NHLRC2: variants seen among roughly 807,000 people sequenced by gnomAD.
The protein encoded by NHLRC2 is NHL repeat-containing protein 2.
NHLRC2 carries 33 observed loss-of-function variants against 68.1 expected under a neutral mutation model. The ratio of observed to expected loss-of-function variants is 0.48; its 90% CI spans 0.37 to 0.65. The LOEUF (loss-of-function observed/expected upper bound fraction) is 0.65. Among genes scored for constraint, NHLRC2 ranks in the 30% least tolerant of loss-of-function variants. The pLI is 0.00. For synonymous variants in NHLRC2, 311 were observed against 309.6 expected (o/e 1.00, Z -0.05); for missense variants, 761 against 853.8 (o/e 0.89, Z 1.35).
intron 1 of NHLRC2, among the ~76,000 whole-genome samples, chr10:113,857,589 T>C (rs897313550): frequency 1.3e-5 from 2 of 152,200 alleles, no homozygotes; most frequent in African/African-American, 4.8e-5. Flanking sequence ...CTTCAAGGCA[T>C]AATTAATAGT....
At chr10:113,855,848 G>A (rs1015117915) in intron 1 of NHLRC2, among the ~76,000 whole-genome samples, 2 of 152,130 alleles carry the variant, frequency 1.3e-5, no homozygotes, top group African/African-American at 4.8e-5. Flanking sequence ...CACTTGAGGA[G>A]ATATTACCTT....
intron 6 of NHLRC2, 91 bp downstream of exon 6, chr10:113,898,300 C>G: frequency 1.2e-5 from 9 of 781,762 alleles, no homozygotes; most frequent in Non-Finnish European, 2.0e-5. Flanking sequence ...CTGTACCAGT[C>G]AGGATGTGCT....
chr10:113,872,694 A>G (rs1845938795), intron 2 of NHLRC2, among the ~76,000 whole-genome samples: 1 of 151,742 alleles, frequency 6.6e-6, no homozygotes, highest in Non-Finnish European at 1.5e-5. Flanking sequence ...GGGACAATAA[A>G]TTTGTATAAA....
chr10:113,912,496 G>A lies in NHLRC2; in HGVS notation c.*3960G>A, dbSNP rs574639969. On this transcript the variant is annotated 3_prime_UTR_variant, in exon 11 of 11. Coordinates refer to ENST00000369301, the MANE Select transcript of NHLRC2 (RefSeq NM_198514.4). Reference sequence around the variant, plus strand: ...TAGTGTTATTAAAAATTTTTTGTACGACTTTCTGGAGCTACAAGTAATGAA... The same window carrying A: ...TAGTGTTATTAAAAATTTTTTGTACAACTTTCTGGAGCTACAAGTAATGAA... 5 of 152,080 alleles carry A rather than the reference G, an allele frequency of 3.3e-5. No homozygotes were observed. The highest frequency in any genetic ancestry group is 5.9e-5 in the Non-Finnish European group (4 of 68,018). The allele number at this position is 152,080 out of a possible 1,614,324, so 9.4% of individuals were successfully genotyped here.
intron 5 of NHLRC2, among the ~76,000 whole-genome samples, chr10:113,888,063 C>G (rs1846097851): frequency 6.6e-6 from 1 of 151,848 alleles, no homozygotes; most frequent in Non-Finnish European, 1.5e-5. Flanking sequence ...GACACTATTT[C>G]TACAAAAGAA....
At chr10:113,867,596 TCCTTCAGTTCCTAA>T (rs1564851168) in intron 2 of NHLRC2, among the ~76,000 whole-genome samples, 2 of 152,252 alleles carry the variant, frequency 1.3e-5, no homozygotes. Context: ...TCCCTGGCTT[TCCTTCAGTTCCTAA>T]GTATCATTGT....
At chr10:113,864,116 A>C (rs1022402177) in intron 2 of NHLRC2, among the ~76,000 whole-genome samples, 4 of 152,216 alleles carry the variant, frequency 2.6e-5, no homozygotes, top group Admixed American at 1.3e-4. Context: ...AAAAATTCAC[A>C]ATTTATGCCA....
rs1306139316 is a variant in NHLRC2, at chr10:113,916,687, T to G, written c.*8151T>G. On this transcript the variant is annotated 3_prime_UTR_variant, in exon 11 of 11. Coordinates refer to ENST00000369301, the MANE Select transcript of NHLRC2 (RefSeq NM_198514.4). ...TATAACATTTCATAAATATGTCAATTTTAGAAACTCAAACTCTTTCCCATC... is the reference window on the plus strand; with the variant it reads ...TATAACATTTCATAAATATGTCAATGTTAGAAACTCAAACTCTTTCCCATC... 1 of 152,210 alleles carries G rather than the reference T, an allele frequency of 6.6e-6. No homozygotes were observed. The highest frequency in any genetic ancestry group is 1.5e-5 in the Non-Finnish European group (1 of 68,030). The allele number at this position is 152,210 out of a possible 1,614,324, so 9.4% of individuals were successfully genotyped here. A position where few individuals can be genotyped will look rare whatever the true frequency, so the allele number is the denominator to read the frequency against.
rs1452183289 is a variant in NHLRC2 at position 113,914,996 on chromosome 10, G to A, written c.*6460G>A. ...GCCCCAATCACAGAGCCTGGGTAAGGTGGAACAGGAGGCAGCCCCACTCGG... is the reference window on the plus strand; with the variant it reads ...GCCCCAATCACAGAGCCTGGGTAAGATGGAACAGGAGGCAGCCCCACTCGG... On this transcript the variant is annotated 3_prime_UTR_variant, in exon 11 of 11. Transcript: ENST00000369301. 1 of 456,170 alleles carries A rather than the reference G, an allele frequency of 2.2e-6. No homozygotes were observed. Among genetic ancestry groups the A allele is most frequent in the Non-Finnish European group, 4.4e-6 (1 of 226,984 alleles). The allele number at this position is 456,170 out of a possible 1,614,324, so 28.3% of individuals were successfully genotyped here. A position where few individuals can be genotyped will look rare whatever the true frequency, so the allele number is the denominator to read the frequency against.
rs1589552319 is a variant in NHLRC2 at position 113,913,857 on chromosome 10, T to G, written c.*5321T>G. 1 of 148,836 alleles carries G rather than the reference T, an allele frequency of 6.7e-6. No individual in the cohort carries two copies. The allele number at this position is 148,836 out of a possible 1,614,324, so 9.2% of individuals were successfully genotyped here. A position where few individuals can be genotyped will look rare whatever the true frequency, so the allele number is the denominator to read the frequency against. ...TGTTGTTGTTGTTTTGTTTTTTTTT[T>G]TTTTTTTTGAGATGGAGTCTCACTC... is the stretch of plus-strand genomic sequence containing the variant. On this transcript the variant is annotated 3_prime_UTR_variant, in exon 11 of 11. Transcript: ENST00000369301.
At chr10:113,894,601 T>G (rs985490701) in intron 5 of NHLRC2, among the ~76,000 whole-genome samples, 1 of 152,150 alleles carries the variant, frequency 6.6e-6, no homozygotes, top group Non-Finnish European at 1.5e-5. Context: ...AGGACCTCCA[T>G]AAGGTGTTAA....
Position 113,876,965 on chromosome 10 carries a change from A to G in NHLRC2, c.776A>G (p.Tyr259Cys). 1 of 1,584,066 alleles carries G rather than the reference A, an allele frequency of 6.3e-7. No individual in the cohort carries two copies. The highest frequency in any genetic ancestry group is 8.6e-7 in the Non-Finnish European group (1 of 1,166,940). Residue 259 changes from tyrosine to cysteine, a missense_variant, in exon 3 of 11, where the codon TAT becomes TGT. Coordinates refer to ENST00000369301, the MANE Select transcript of NHLRC2 (RefSeq NM_198514.4). Reference protein sequence around the residue: ...LVVWKNGQIQYSIGGPNPGRK... With the variant: ...LVVWKNGQIQCSIGGPNPGRK... Reference sequence around the variant, plus strand: ...GTTTGGAAGAATGGACAAATTCAATATAGCATTGGAGGTAAAACTTGCTTC... The same window carrying G: ...GTTTGGAAGAATGGACAAATTCAATGTAGCATTGGAGGTAAAACTTGCTTC...
chr10:113,884,501 T>A, intron 5 of NHLRC2, 121 bp downstream of exon 5: 1 of 681,200 alleles, frequency 1.5e-6, no homozygotes. Flanking sequence ...CTTTTATACC[T>A]ATGCCTCAGA....
chr10:113,876,456 G>A (rs1274184124), intron 2 of NHLRC2, 65 bp from the exon 3 acceptor site: 1 of 904,498 alleles, frequency 1.1e-6, no homozygotes, highest in Non-Finnish European at 1.7e-6. Context: ...AAAACCTAAT[G>A]TGTAGATGAT....
At position 113,898,176 on chromosome 10, in the gene NHLRC2, T is replaced by G; in HGVS notation, c.1106T>G (p.Leu369Arg). ...GCAGGGACTCATCAGATATGGGCAC[T>G]CCTGCTGGACTCTGGCAAACTGCCA... Reference protein sequence around the residue: ...AMAGTHQIWALLLDSGKLPKK... With the variant: ...AMAGTHQIWARLLDSGKLPKK... Residue 369 changes from leucine (L) to arginine (R), a missense_variant, in exon 6 of 11, where the codon CTC becomes CGC. Transcript: ENST00000369301. The G allele has an allele frequency of 6.2e-7, 1 of 1,612,954 alleles. No homozygotes were observed. The highest frequency in any genetic ancestry group is 8.5e-7 in the Non-Finnish European group (1 of 1,179,020).
chr10:113,897,552 T>C (rs1846187596), intron 5 of NHLRC2, among the ~76,000 whole-genome samples: 1 of 152,242 alleles, frequency 6.6e-6, no homozygotes. Context: ...GAGCCTTTTA[T>C]TTGGATGCCA....
At chr10:113,890,383 C>T (rs1227366342) in intron 5 of NHLRC2, among the ~76,000 whole-genome samples, 1 of 152,104 alleles carries the variant, frequency 6.6e-6, no homozygotes, top group Non-Finnish European at 1.5e-5. Flanking sequence ...TTAATATTAT[C>T]TCTTGTTCTT....
At chr10:113,877,244 T>C (rs1386903185) in intron 3 of NHLRC2, among the ~76,000 whole-genome samples, 2 of 151,648 alleles carry the variant, frequency 1.3e-5, no homozygotes, top group Non-Finnish European at 1.5e-5. Flanking sequence ...TTGTATATTC[T>C]ATCTTTTTTT....
chr10:113,888,684 ATAAT>A (rs1846103972), intron 5 of NHLRC2, among the ~76,000 whole-genome samples: 1 of 152,208 alleles, frequency 6.6e-6, no homozygotes, highest in Non-Finnish European at 1.5e-5. Context: ...TGCACCAAAA[ATAAT>A]TACTACAGTA....
Sources: allele counts gnomAD v4.1 joint callset (sites outside exome capture counted in the v4.1 genomes callset), GRCh38; gene constraint gnomAD v4.1.1; transcripts MANE v1.5; gene names NCBI Gene and HGNC (gene_info 2026-07-23, HGNC 2026-07-21).